Variants in NOD1 observed in about 807,000 individuals in gnomAD.
NOD1 encodes the protein nucleotide binding oligomerization domain containing 1, also known as nucleotide-binding oligomerization domain-containing protein 1.
NOD1 carries 70 observed loss-of-function variants against 81.2 expected under a neutral mutation model. The ratio of observed to expected loss-of-function variants is 0.86; its 90% CI spans 0.71 to 1.05. The LOEUF (loss-of-function observed/expected upper bound fraction) is 1.05, where lower values mean the gene tolerates loss of function less well. NOD1 is among the 50% of genes least tolerant of loss of function. The pLI is 0.00. For synonymous variants in NOD1, 508 were observed against 526.9 expected (o/e 0.96, Z 0.49); for missense variants, 1,233 against 1,228.0 (o/e 1.00, Z -0.06).
intron 13 of NOD1, among the ~76,000 whole-genome samples, chr7:30,429,115 G>A (rs567693337): frequency 1.4e-4 from 22 of 152,312 alleles, no homozygotes; most frequent in Non-Finnish European, 2.2e-4. Flanking sequence ...AGATGAGGGC[G>A]GGGGCCCAGG....
chr7:30,445,853 C>T (rs956418920), intron 9 of NOD1, among the ~76,000 whole-genome samples: 1 of 151,460 alleles, frequency 6.6e-6, no homozygotes, highest in Non-Finnish European at 1.5e-5. Flanking sequence ...CAGCCATCCC[C>T]AAAAGGCAAA....
rs1278535174 is a variant in NOD1, at chr7:30,446,905, T to C, written c.2369+62A>G. On this transcript the variant is annotated intron_variant, in intron 8 of 13. Transcript: ENST00000222823. ...GCTCTTTACTGTGACATTTAATCTT[T>C]GAACAACAGAAGGGGGTGATCAAGA... 1.3e-5 allele frequency: 17 copies of C among 1,316,516 alleles called. 1 individual carries two copies. In the East Asian group the frequency reaches 2.8e-4, roughly 21 times the overall value. 81.6% of individuals were successfully genotyped at this position (1,316,516 alleles called of 1,614,324 possible). A position where few individuals can be genotyped will look rare whatever the true frequency, so the allele number is the denominator to read the frequency against.
intron 13 of NOD1, 88 bp from the exon 14 acceptor site, chr7:30,425,798 C>CCT: frequency 2.3e-6 from 2 of 877,030 alleles, no homozygotes; most frequent in Non-Finnish European, 3.9e-6. Flanking sequence ...ATAGCACACA[C>CCT]TCGTGTATCA....
Position 30,452,322 on chromosome 7 carries a change from G to A in NOD1, c.1095C>T (p.Phe365=), listed in dbSNP as rs767441122. The A allele has an allele frequency of 8.1e-6, 13 of 1,613,446 alleles. No homozygotes were observed. The highest frequency in any genetic ancestry group is 3.3e-4 in the Middle Eastern group (2 of 6,062). Residue 365 remains phenylalanine, a synonymous_variant, in exon 6 of 14, where the codon TTC becomes TTT. Transcript: ENST00000222823. Reference sequence around the variant, plus strand: ...GGCGGTCCTGCAGGGCCCGCTCGGGGAACATCCTCCTGGCATAGGCGCGCA... The same window carrying A: ...GGCGGTCCTGCAGGGCCCGCTCGGGAAACATCCTCCTGGCATAGGCGCGCA... The part of the protein sequence containing the change: ...SHLRAYARRM[F]PERALQDRLL...
chr7:30,436,240 C>T (rs1256527754), intron 10 of NOD1, among the ~76,000 whole-genome samples, 159 bp from the exon 11 acceptor site: 1 of 152,226 alleles, frequency 6.6e-6, no homozygotes, highest in African/African-American at 2.4e-5. Flanking sequence ...CAGTAGTGCC[C>T]AGGCGCTGCT....
Position 30,452,749 on chromosome 7 carries a change from C to G in NOD1, c.668G>C (p.Arg223Pro). ...GAAGAATTTGACCCCTGCGTCTAGC[C>G]GGCCCGTGGCCCAGAGGCTCTGCAG... is the stretch of plus-strand genomic sequence containing the variant. ...QRLQSLWATG[R>P]LDAGVKFFFH... Residue 223 changes from arginine (R) to proline (P), a missense_variant, in exon 6 of 14, where the codon CGG (arginine) becomes CCG (proline). Arg to Pro is a moderately radical substitution (Grantham distance 103). Coordinates refer to ENST00000222823, the MANE Select transcript of NOD1 (RefSeq NM_006092.4). The G allele has an allele frequency of 6.2e-7, 1 of 1,614,052 alleles. No homozygotes were observed.
Position 30,452,405 on chromosome 7 carries a change from C to T in NOD1, c.1012G>A (p.Val338Ile), listed in dbSNP as rs1247251132. The change falls in exon 6 of 14, where the codon GTC becomes ATC. Residue 338 changes from valine (V) to isoleucine (I), a missense_variant. By Grantham distance (29) the Val-to-Ile change is conservative. Transcript: ENST00000222823. ...KLLTARTGIEVPRQFLRKKVL... is the reference protein window; with the variant it reads ...KLLTARTGIEIPRQFLRKKVL... ...TTCTTCCGCAGGAACTGGCGCGGGA[C>T]CTCGATGCCTGTGCGGGCTGTGAGC... 2 of 1,613,202 alleles carry T rather than the reference C, an allele frequency of 1.2e-6. No homozygotes were observed. The highest frequency in any genetic ancestry group is 3.3e-5 in the Admixed American group (2 of 60,006).
At chr7:30,436,120 C>T (rs1784359962) in intron 10 of NOD1, 39 bp from the exon 11 acceptor site, 1 of 1,467,624 alleles carries the variant, frequency 6.8e-7, no homozygotes, top group Non-Finnish European at 9.5e-7. Flanking sequence ...ATTAAAGACA[C>T]ATCTACATTC....
chr7:30,462,337 A>G (rs1180962134), intron 1 of NOD1, among the ~76,000 whole-genome samples: 2 of 152,064 alleles, frequency 1.3e-5, no homozygotes, highest in African/African-American at 2.4e-5. Context: ...CTTTGACACA[A>G]TATGTGTCAA....
chr7:30,433,057 A>T (rs1350627693), intron 12 of NOD1, 39 bp downstream of exon 12: 1 of 1,443,138 alleles, frequency 6.9e-7, no homozygotes, highest in Non-Finnish European at 9.7e-7. Context: ...TACTTTTGAA[A>T]AGTAGCACAG....
chr7:30,456,996 A>G lies in NOD1; in HGVS notation c.-75T>C. Reference sequence around the variant, plus strand: ...GTGTCCTCTCAGCAGAAGGGCAATCAGGATTCAGGCCGCGCCCTCCAGGGC... The same window carrying G: ...GTGTCCTCTCAGCAGAAGGGCAATCGGGATTCAGGCCGCGCCCTCCAGGGC... On this transcript the variant is annotated 5_prime_UTR_variant, in exon 4 of 14. Coordinates refer to ENST00000222823, the MANE Select transcript of NOD1 (RefSeq NM_006092.4). 3.8e-6 allele frequency: 5 copies of G among 1,321,194 alleles called. No individual in the cohort carries two copies. The highest frequency in any genetic ancestry group is 1.7e-5 in the Admixed American group (1 of 58,734). 81.8% of individuals were successfully genotyped at this position (1,321,194 alleles called of 1,614,324 possible).
In NOD1 at chr7:30,456,800, A is replaced by G. The variant is rs760007889; in HGVS notation, c.122T>C (p.Val41Ala). The part of the protein sequence containing the change: ...VTHIRNTQCL[V>A]DNLLKNDYFS... The stretch of plus-strand genomic sequence containing the variant: ...GTAGTCATTCTTCAGCAAGTTGTCC[A>G]CCAGACACTGAGTATTGCGGATGTG... The change falls in exon 4 of 14, where the codon GTG becomes GCG. Residue 41 changes from valine to alanine, a missense_variant. Physicochemically the swap from Val to Ala is moderately conservative, Grantham distance 64 (BLOSUM62 0). Transcript: ENST00000222823. 40 of 1,614,044 alleles carry G rather than the reference A, an allele frequency of 2.5e-5. No individual in the cohort carries two copies. The Admixed American group carries it at 4.8e-4, about 20-fold the overall frequency.
intron 11 of NOD1, among the ~76,000 whole-genome samples, chr7:30,434,942 T>G (rs1362923363): frequency 1.3e-5 from 2 of 151,954 alleles, no homozygotes; most frequent in African/African-American, 4.8e-5. Flanking sequence ...AAGGAATGTT[T>G]TTTTTTTTTG....
Position 30,467,893 on chromosome 7 carries a change from G to A in NOD1, c.-351-7852C>T, listed in dbSNP as rs937494054. Among the ~76,000 whole-genome samples, 1 of 151,982 alleles carries A rather than the reference G, an allele frequency of 6.6e-6. No homozygotes were observed. The highest frequency in any genetic ancestry group is 1.5e-5 in the Non-Finnish European group (1 of 67,998). ...ATTTTTGTATTTTTAGTAGAGACGG[G>A]GTTTCACCACGTTGGCCAGGCTGGT... On this transcript the variant is annotated intron_variant, in intron 1 of 13. Coordinates refer to ENST00000222823, the MANE Select transcript of NOD1 (RefSeq NM_006092.4). The surrounding 1 kb of genome is among the most constrained non-coding windows in gnomAD (Gnocchi z 4.5).
rs1368879600 is a variant in NOD1, at chr7:30,452,155, A to T, written c.1262T>A (p.Leu421Gln). Residue 421 changes from leucine (L) to glutamine (Q), a missense_variant, in exon 6 of 14, where the codon CTG becomes CAG. Coordinates refer to ENST00000222823, the MANE Select transcript of NOD1 (RefSeq NM_006092.4). The stretch of plus-strand genomic sequence containing the variant: ...AGTGACCAGGAGGAAGACATCTGTC[A>T]GGGTCATCGTGCAGTCGGGCAGCTG... ...SPQLPDCTMT[L>Q]TDVFLLVTEV... The T allele has an allele frequency of 6.2e-7, 1 of 1,613,882 alleles. No homozygotes were observed. The highest frequency in any genetic ancestry group is 1.3e-5 in the African/African-American group (1 of 74,930).
At chr7:30,476,835 A>G (rs1016072972) in intron 1 of NOD1, among the ~76,000 whole-genome samples, 13 of 152,256 alleles carry the variant, frequency 8.5e-5, no homozygotes, top group African/African-American at 3.1e-4. Flanking sequence ...GCGGGGCAGC[A>G]GGGCAGGAGA....
chr7:30,470,013 G>C (rs896059965), intron 1 of NOD1, among the ~76,000 whole-genome samples: 2 of 151,080 alleles, frequency 1.3e-5, no homozygotes, highest in East Asian at 3.9e-4. Context: ...TTCTATCCCC[G>C]CCTCTCTCAG....
Position 30,429,444 on chromosome 7 carries a change from G to C in NOD1, c.2719C>G (p.Gln907Glu). Residue 907 changes from glutamine to glutamate, a missense_variant, in exon 13 of 14, where the codon CAG becomes GAG. Transcript: ENST00000222823. ...TLKHLWLIQN[Q>E]ITAKGTAQLA... ...TGGGCAGTCCCCTTAGCTGTGATCT[G>C]ATTCTGGATAAGCCTGAAAGAAGAA... The C allele has an allele frequency of 1.2e-6, 2 of 1,613,882 alleles. No individual in the cohort carries two copies. The highest frequency in any genetic ancestry group is 1.7e-6 in the Non-Finnish European group (2 of 1,179,722).
At chr7:30,470,173 G>A (rs1788120608) in intron 1 of NOD1, among the ~76,000 whole-genome samples, 1 of 152,206 alleles carries the variant, frequency 6.6e-6, no homozygotes, top group African/African-American at 2.4e-5. Context: ...CTGTGCTTCT[G>A]TTTTCTTCTC....
Sources: allele counts gnomAD v4.1 joint callset (sites outside exome capture counted in the v4.1 genomes callset), GRCh38; gene constraint gnomAD v4.1.1; non-coding constraint Gnocchi (gnomAD v3.1); transcripts MANE v1.5; gene names NCBI Gene and HGNC (gene_info 2026-07-23, HGNC 2026-07-21).